PPM1E: variants seen among roughly 807,000 people sequenced by gnomAD.
PPM1E encodes the protein protein phosphatase 1E.
In PPM1E, 20 loss-of-function variants were observed where a neutral mutation model predicts 65.9. The observed-to-expected ratio is 0.30, with a 90% CI of 0.21 to 0.44. The LOEUF is 0.44. Ranked by LOEUF, PPM1E falls within the 20% of genes least tolerant of loss-of-function variation. PPM1E has a pLI of 1.00. For missense variants in PPM1E, 713 were observed against 953.1 expected (o/e 0.75, Z 3.32); for synonymous variants, 352 against 374.9 (o/e 0.94, Z 0.70).
chr17:58,843,600 G>A (rs146443619), intron 1 of PPM1E, among the ~76,000 whole-genome samples: 4 of 152,110 alleles, frequency 2.6e-5, no homozygotes, highest in East Asian at 1.9e-4. Context: ...CGAGGCAAGC[G>A]GATTGCTTGC....
At position 58,980,265 on chromosome 17, in the gene PPM1E, C is replaced by T; in HGVS notation, c.1502C>T (p.Ser501Leu). 1 of 1,614,154 alleles carries T rather than the reference C, an allele frequency of 6.2e-7. No individual in the cohort carries two copies. ...MNKAVNVSEESDWTENSFQGG... is the reference protein window; with the variant it reads ...MNKAVNVSEELDWTENSFQGG... ...AAAGCTGTAAATGTTAGTGAGGAAT[C>T]AGATTGGACAGAGAACTCTTTTCAA... Residue 501 changes from serine (S) to leucine (L), a missense_variant, in exon 7 of 7, where the codon TCA (serine) becomes TTA (leucine). By Grantham distance (145) the Ser-to-Leu change is moderately radical (BLOSUM62 -2). Transcript: ENST00000308249. This position sits in a 1 kb window ranked among gnomAD's most constrained non-coding sequence, Gnocchi z 4.7.
At chr17:58,837,016 T>A (rs1598602100) in intron 1 of PPM1E, among the ~76,000 whole-genome samples, 2 of 114,688 alleles carry the variant, frequency 1.7e-5, no homozygotes, top group African/African-American at 3.4e-5. Flanking sequence ...CGAAACTCCG[T>A]CTCAAAAAAA....
intron 1 of PPM1E, among the ~76,000 whole-genome samples, chr17:58,785,929 G>A (rs1047285222): frequency 4.6e-5 from 7 of 151,892 alleles, no homozygotes; most frequent in African/African-American, 1.7e-4. Flanking sequence ...CATGGGGTTG[G>A]GGGAAGATTC....
intron 1 of PPM1E, among the ~76,000 whole-genome samples, chr17:58,898,273 T>C (rs1032760417): frequency 6.7e-5 from 10 of 148,576 alleles, no homozygotes; most frequent in African/African-American, 2.5e-4. Flanking sequence ...AAAAAAACTA[T>C]CTACAAAGAA....
At chr17:58,941,755 A>T (rs978212727) in intron 1 of PPM1E, among the ~76,000 whole-genome samples, 88 of 151,114 alleles carry the variant, frequency 5.8e-4, no homozygotes, top group African/African-American at 2.1e-3. Flanking sequence ...CTGTAATCCC[A>T]GCACTTTGGG....
chr17:58,938,485 CAT>C (rs2052016514), intron 1 of PPM1E, among the ~76,000 whole-genome samples: 1 of 152,180 alleles, frequency 6.6e-6, no homozygotes, highest in South Asian at 2.1e-4. Context: ...AATTATTCTT[CAT>C]ATATATATGT....
chr17:58,846,026 A>G (rs754210240), intron 1 of PPM1E, among the ~76,000 whole-genome samples: 18 of 152,288 alleles, frequency 1.2e-4, no homozygotes, highest in South Asian at 2.1e-4. Flanking sequence ...TGTTGTATAT[A>G]TGTACCACAT....
At chr17:58,916,050 G>A (rs2051679700) in intron 1 of PPM1E, among the ~76,000 whole-genome samples, 1 of 152,066 alleles carries the variant, frequency 6.6e-6, no homozygotes, top group South Asian at 2.1e-4. Context: ...TCGTTATGTT[G>A]CCCAGTCTAG....
At chr17:58,869,505 C>T (rs1420280062) in intron 1 of PPM1E, among the ~76,000 whole-genome samples, 4 of 152,128 alleles carry the variant, frequency 2.6e-5, no homozygotes, top group African/African-American at 9.7e-5. Flanking sequence ...CAATTTCTTC[C>T]TCTCTTGCCA....
intron 1 of PPM1E, among the ~76,000 whole-genome samples, chr17:58,948,334 C>T (rs2052190809): frequency 6.6e-6 from 1 of 152,118 alleles, no homozygotes; most frequent in Non-Finnish European, 1.5e-5. Flanking sequence ...GCTAAATGCA[C>T]TCACCCAACA....
At chr17:58,843,830 A>G (rs1343003668) in intron 1 of PPM1E, among the ~76,000 whole-genome samples, 1 of 152,116 alleles carries the variant, frequency 6.6e-6, no homozygotes, top group African/African-American at 2.4e-5. Context: ...ACCCTGTCTC[A>G]AAACAAAACA....
At chr17:58,951,686 A>AC (rs575057397) in intron 1 of PPM1E, among the ~76,000 whole-genome samples, 3 of 151,578 alleles carry the variant, frequency 2.0e-5, no homozygotes, top group Admixed American at 6.6e-5. Flanking sequence ...AAAAAAAAAA[A>AC]AAAAGAAAGA....
At chr17:58,868,288 C>T (rs980319937) in intron 1 of PPM1E, among the ~76,000 whole-genome samples, 1 of 152,164 alleles carries the variant, frequency 6.6e-6, no homozygotes, top group Non-Finnish European at 1.5e-5. Context: ...TACTGCAATT[C>T]AGCCTGGGTG....
intron 1 of PPM1E, among the ~76,000 whole-genome samples, chr17:58,853,943 T>G (rs547440897): frequency 2.0e-5 from 3 of 152,312 alleles, no homozygotes; most frequent in African/African-American, 7.2e-5. Context: ...TAGGATGAGT[T>G]TGTCTTTTTC....
intron 1 of PPM1E, among the ~76,000 whole-genome samples, chr17:58,792,963 A>C (rs1266880082): frequency 6.6e-6 from 1 of 151,590 alleles, no homozygotes; most frequent in Non-Finnish European, 1.5e-5. Flanking sequence ...CATGTTGGCC[A>C]GATCTCAATC....
chr17:58,773,774 C>T (rs889039299), intron 1 of PPM1E, among the ~76,000 whole-genome samples: 2 of 152,110 alleles, frequency 1.3e-5, no homozygotes, highest in Non-Finnish European at 2.9e-5. Flanking sequence ...AAAATTATCT[C>T]GAGTGTTTTG....
intron 1 of PPM1E, among the ~76,000 whole-genome samples, chr17:58,928,657 C>T (rs569008303): frequency 6.6e-6 from 1 of 151,486 alleles, no homozygotes; most frequent in African/African-American, 2.4e-5. Flanking sequence ...TGGTATTTGC[C>T]CAAGAAAAAT....
intron 1 of PPM1E, among the ~76,000 whole-genome samples, chr17:58,798,407 T>G (rs564061599): frequency 6.6e-6 from 1 of 151,898 alleles, no homozygotes; most frequent in African/African-American, 2.4e-5. Context: ...TTATTTTTAA[T>G]AGAGACAGGG....
At chr17:58,843,187 TGAACCTGGGAGGCAGA>T (rs1237641520) in intron 1 of PPM1E, among the ~76,000 whole-genome samples, 1 of 149,438 alleles carries the variant, frequency 6.7e-6, no homozygotes, top group Non-Finnish European at 1.5e-5. Flanking sequence ...GAGAATGGAG[TGAACCTGGGAGGCAGA>T]GAACCTGGGA....
Sources: allele counts gnomAD v4.1 joint callset (sites outside exome capture counted in the v4.1 genomes callset), GRCh38; gene constraint gnomAD v4.1.1; non-coding constraint Gnocchi (gnomAD v3.1); transcripts MANE v1.5; gene names NCBI Gene and HGNC (gene_info 2026-07-23, HGNC 2026-07-21).